VPS26A: variants seen among roughly 807,000 people sequenced by gnomAD.
The protein encoded by VPS26A is VPS26 retromer complex component A.
Under a neutral mutation model 42.4 loss-of-function variants are expected in VPS26A, and 22 were observed. The observed-to-expected ratio is 0.52, with a 90% CI of 0.37 to 0.74. The LOEUF is 0.74. Among genes scored for constraint, VPS26A ranks in the 30% least tolerant of loss-of-function variants. The pLI is 0.00. For missense variants in VPS26A, 276 were observed against 379.2 expected, an observed-to-expected ratio of 0.73 and a Z score of 2.26; for synonymous variants, 110 against 123.5, an observed-to-expected ratio of 0.89 and a Z score of 0.73.
chr10:69,163,986 C>T (rs1018640162), intron 6 of VPS26A, among the ~76,000 whole-genome samples: 2 of 151,746 alleles, frequency 1.3e-5, no homozygotes, highest in Admixed American at 1.3e-4. Flanking sequence ...CCAGGATGGT[C>T]TCGATCTCCT....
At chr10:69,131,111 G>A (rs756423289) in intron 1 of VPS26A, among the ~76,000 whole-genome samples, 6 of 151,962 alleles carry the variant, frequency 3.9e-5, no homozygotes, top group African/African-American at 7.3e-5. Context: ...TCAGCCTCCC[G>A]AGTAGCTGGG....
At chr10:69,169,576 C>T (rs1464310523) in intron 8 of VPS26A, among the ~76,000 whole-genome samples, 2 of 149,210 alleles carry the variant, frequency 1.3e-5, no homozygotes, top group African/African-American at 4.9e-5. Flanking sequence ...GGATTACAGG[C>T]GTGAGCCACC....
intron 2 of VPS26A, among the ~76,000 whole-genome samples, chr10:69,135,137 T>G (rs1156610957): frequency 6.6e-6 from 1 of 152,198 alleles, no homozygotes; most frequent in Admixed American, 6.5e-5. Flanking sequence ...TTTACAGATA[T>G]GACATGTAAA....
intron 2 of VPS26A, among the ~76,000 whole-genome samples, chr10:69,148,366 C>A (rs1479768835): frequency 6.6e-6 from 1 of 152,078 alleles, no homozygotes; most frequent in Non-Finnish European, 1.5e-5. Context: ...AAAGTCAACA[C>A]AGGGGTTGAC....
intron 2 of VPS26A, among the ~76,000 whole-genome samples, chr10:69,155,511 T>C (rs1013333429): frequency 2.0e-5 from 3 of 152,220 alleles, no homozygotes; most frequent in African/African-American, 7.2e-5. Context: ...AAAACAAATA[T>C]GGATAGTTGA....
chr10:69,124,569 G>T (rs1488519008), intron 1 of VPS26A, among the ~76,000 whole-genome samples: 3 of 152,190 alleles, frequency 2.0e-5, no homozygotes, highest in Admixed American at 1.3e-4. Context: ...TGGGGACTCG[G>T]ACCCCGCCTC....
At chr10:69,148,786 C>T (rs1257873220) in intron 2 of VPS26A, among the ~76,000 whole-genome samples, 1 of 144,926 alleles carries the variant, frequency 6.9e-6, no homozygotes, top group Non-Finnish European at 1.5e-5. Context: ...GACGGAGTCT[C>T]ACTCTGTTGC....
intron 1 of VPS26A, 52 bp from the exon 2 acceptor site, chr10:69,132,846 A>T (rs1840815875): frequency 6.6e-7 from 1 of 1,506,556 alleles, no homozygotes; most frequent in African/African-American, 1.4e-5. Context: ...AAATTATAAA[A>T]TGTAGTGACT....
chr10:69,161,810 A>G, intron 5 of VPS26A: 1 of 278,468 alleles, frequency 3.6e-6, no homozygotes, highest in Non-Finnish European at 7.3e-6. Flanking sequence ...TGAATTCCAC[A>G]TGCTAGGCCA....
At chr10:69,127,889 G>T (rs189509048) in intron 1 of VPS26A, among the ~76,000 whole-genome samples, 72 of 151,732 alleles carry the variant, frequency 4.7e-4, no homozygotes, top group African/African-American at 1.7e-3. Context: ...TAGATATGGG[G>T]GTCTAGCTGT....
intron 2 of VPS26A, among the ~76,000 whole-genome samples, chr10:69,153,907 G>GGGTACATTC (rs1040849452): frequency 8.5e-5 from 13 of 152,066 alleles, no homozygotes; most frequent in Admixed American, 2.0e-4. Flanking sequence ...GCACAGGGCT[G>GGGTACATTC]GGTACATTCA....
chr10:69,149,744 T>TTG (rs1380069197), intron 2 of VPS26A, among the ~76,000 whole-genome samples: 1,085 of 51,430 alleles, frequency 0.021, 45 homozygotes, highest in African/African-American at 0.052. Context: ...GTTTTTTTTT[T>TTG]TTTTTTTTTT....
At chr10:69,136,621 T>C (rs544034647) in intron 2 of VPS26A, among the ~76,000 whole-genome samples, 104 of 152,032 alleles carry the variant, frequency 6.8e-4, no homozygotes, top group African/African-American at 2.0e-3. Flanking sequence ...ATTTAACTCA[T>C]TGGGAGTTGC....
intron 2 of VPS26A, among the ~76,000 whole-genome samples, chr10:69,136,636 T>C (rs1840918739): frequency 6.6e-6 from 1 of 152,098 alleles, no homozygotes; most frequent in African/African-American, 2.4e-5. Flanking sequence ...AGTTGCAGAA[T>C]GGTGATACTT....
At chr10:69,129,014 AAAAAAAG>A (rs1840718708) in intron 1 of VPS26A, among the ~76,000 whole-genome samples, 2 of 151,808 alleles carry the variant, frequency 1.3e-5, no homozygotes, top group Non-Finnish European at 2.9e-5. Context: ...AAAAAAAAAA[AAAAAAAG>A]AATTAATTTT....
chr10:69,143,561 C>G (rs1049716852), intron 2 of VPS26A, among the ~76,000 whole-genome samples: 3 of 152,234 alleles, frequency 2.0e-5, no homozygotes, highest in Admixed American at 6.5e-5. Context: ...TAAATCTAAT[C>G]CTTTTCTAAG....
intron 2 of VPS26A, among the ~76,000 whole-genome samples, chr10:69,135,061 G>T (rs757398008): frequency 1.9e-4 from 29 of 152,088 alleles, no homozygotes; most frequent in Non-Finnish European, 3.4e-4. Context: ...ATGGGCTGGG[G>T]GCATAGGAAT....
chr10:69,154,700 A>C (rs1052527466), intron 2 of VPS26A, among the ~76,000 whole-genome samples: 9 of 151,846 alleles, frequency 5.9e-5, no homozygotes, highest in Non-Finnish European at 1.3e-4. Context: ...TCATCTCTAC[A>C]AAAAAAATTT....
intron 6 of VPS26A, among the ~76,000 whole-genome samples, chr10:69,164,391 AT>A (rs1159717035): frequency 6.6e-6 from 1 of 151,622 alleles, no homozygotes; most frequent in African/African-American, 2.4e-5. Flanking sequence ...CTAATTTTTT[AT>A]TTTTTTGTAG....
Sources: gnomAD v4.1 joint callset for allele counts (sites outside exome capture counted in the v4.1 genomes callset) on GRCh38, gnomAD v4.1.1 for gene constraint, MANE v1.5 for transcripts, NCBI Gene and HGNC (gene_info 2026-07-23, HGNC 2026-07-21) for gene names.